KIRREL3: variants seen among roughly 807,000 people sequenced by gnomAD.
KIRREL3 encodes the protein kin of IRRE-like protein 3.
KIRREL3 carries 36 observed loss-of-function variants against 89.7 expected under a neutral mutation model. That is an observed-to-expected ratio of 0.40 (90% confidence interval 0.31 to 0.53). KIRREL3 has a LOEUF of 0.53. KIRREL3 is among the 20% of genes least tolerant of loss of function. KIRREL3 has a pLI of 0.49. For synonymous variants in KIRREL3, 445 were observed against 441.4 expected (o/e 1.01, Z -0.10); for missense variants, 864 against 1,056.6 (o/e 0.82, Z 2.53).
intron 1 of KIRREL3, among the ~76,000 whole-genome samples, chr11:126,613,164 A>G (rs1943202931): frequency 6.6e-6 from 1 of 152,230 alleles, no homozygotes; most frequent in Non-Finnish European, 1.5e-5. Context: ...CTTTAGAAAC[A>G]TATTAAAAAC....
chr11:126,625,423 A>C (rs1473266899), intron 1 of KIRREL3, among the ~76,000 whole-genome samples: 1 of 152,164 alleles, frequency 6.6e-6, no homozygotes, highest in South Asian at 2.1e-4. Flanking sequence ...ATTATTCCCA[A>C]ACAAATCTCA....
rs542455069 is a variant in KIRREL3 at position 126,892,799 on chromosome 11, C to T, written c.55+107656G>A. On this transcript the variant is annotated intron_variant, in intron 1 of 16. Coordinates refer to ENST00000525144, the MANE Select transcript of KIRREL3 (RefSeq NM_032531.4). This position sits in a 1 kb window ranked among gnomAD's most constrained non-coding sequence, Gnocchi z 5.4. ...GGGTCTGGCTTCATTGACATTTCCA[C>T]GGTAGTGCATACAGCCCTCGAGACC... Among the ~76,000 whole-genome samples, 73 of 152,240 alleles carry T rather than the reference C, an allele frequency of 4.8e-4. No homozygotes were observed. Among genetic ancestry groups the T allele is most frequent in the African/African-American group, 1.6e-3 (66 of 41,544 alleles).
At chr11:126,583,573 A>G (rs887554687) in intron 1 of KIRREL3, among the ~76,000 whole-genome samples, 1 of 152,222 alleles carries the variant, frequency 6.6e-6, no homozygotes, top group African/African-American at 2.4e-5. Context: ...GGAGTTAGAC[A>G]CACTTAGGTT....
In KIRREL3 at chr11:126,601,365, C is replaced by T. The variant is rs747627078; in HGVS notation, c.56-38453G>A. Among the ~76,000 whole-genome samples, 13 of 152,140 alleles carry T rather than the reference C, an allele frequency of 8.5e-5. No individual in the cohort carries two copies. Among genetic ancestry groups the T allele is most frequent in the African/African-American group, 1.4e-4 (6 of 41,416 alleles). On this transcript the variant is annotated intron_variant, in intron 1 of 16. Coordinates refer to ENST00000525144, the MANE Select transcript of KIRREL3 (RefSeq NM_032531.4). The surrounding 1 kb of genome is among the most constrained non-coding windows in gnomAD (Gnocchi z 5.8). ...CCCTGGGCCTGCTAATGCCCTGAGG[C>T]GATGGGAACACAGCTCTGGGAGCAC...
Position 126,677,969 on chromosome 11 carries a change from C to A in KIRREL3, c.56-115057G>T, listed in dbSNP as rs569427181. On this transcript the variant is annotated intron_variant, in intron 1 of 16. Coordinates refer to ENST00000525144, the MANE Select transcript of KIRREL3 (RefSeq NM_032531.4). This position sits in a 1 kb window ranked among gnomAD's most constrained non-coding sequence, Gnocchi z 5.1. ...CCTGGGACCCAGAGACACACCCCGT[C>A]CCCAGGCTCCAGCTTCATGGAGCTT... Among the ~76,000 whole-genome samples, 20 of 152,252 alleles carry A rather than the reference C, an allele frequency of 1.3e-4. No individual in the cohort carries two copies. The highest frequency in any genetic ancestry group is 3.3e-4 in the Admixed American group (5 of 15,296).
chr11:126,638,901 G>A (rs757153971), intron 1 of KIRREL3, among the ~76,000 whole-genome samples: 1 of 152,158 alleles, frequency 6.6e-6, no homozygotes, highest in Non-Finnish European at 1.5e-5. Flanking sequence ...TGGATATTGA[G>A]TAATTACCTA....
rs1951281512 is a variant in KIRREL3 at position 126,808,657 on chromosome 11, C to T, written c.55+191798G>A. ...CTTTTTCTGCGCTTTTTAACCATCT[C>T]AGATTAAATGCTGAATTGTATTTTG... On this transcript the variant is annotated intron_variant, in intron 1 of 16. Transcript: ENST00000525144. This position sits in a 1 kb window ranked among gnomAD's most constrained non-coding sequence, Gnocchi z 4.1. 6.6e-6 allele frequency among the ~76,000 whole-genome samples: 1 copy of T among 152,196 alleles called. No homozygotes were observed. The highest frequency in any genetic ancestry group is 1.5e-5 in the Non-Finnish European group (1 of 68,032).
Position 126,608,908 on chromosome 11 carries a change from C to T in KIRREL3, c.56-45996G>A, listed in dbSNP as rs1178292385. On this transcript the variant is annotated intron_variant, in intron 1 of 16. Coordinates refer to ENST00000525144, the MANE Select transcript of KIRREL3 (RefSeq NM_032531.4). The surrounding 1 kb of genome is among the most constrained non-coding windows in gnomAD (Gnocchi z 4.9). Reference sequence around the variant, plus strand: ...AGGGGATGGAGAAGCAGCTCTGGAGCCCAGCTTGCTGTTAGCCCTGAGAAA... The same window carrying T: ...AGGGGATGGAGAAGCAGCTCTGGAGTCCAGCTTGCTGTTAGCCCTGAGAAA... Among the ~76,000 whole-genome samples the T allele has an allele frequency of 6.6e-6, 1 of 152,184 alleles. No individual in the cohort carries two copies. The highest frequency in any genetic ancestry group is 1.5e-5 in the Non-Finnish European group (1 of 68,032).
chr11:126,753,316 C>T (rs1949395485), intron 1 of KIRREL3, among the ~76,000 whole-genome samples: 1 of 152,168 alleles, frequency 6.6e-6, no homozygotes, highest in Admixed American at 6.5e-5. Context: ...CAATCCACAG[C>T]CAGCCAGGCC....
At position 126,768,749 on chromosome 11, in the gene KIRREL3, G is replaced by A. The variant is rs1054925436; in HGVS notation, c.56-205837C>T. Among the ~76,000 whole-genome samples the A allele has an allele frequency of 7.2e-5, 11 of 152,106 alleles. No homozygotes were observed. The highest frequency in any genetic ancestry group is 2.7e-4 in the African/African-American group (11 of 41,410). On this transcript the variant is annotated intron_variant, in intron 1 of 16. Coordinates refer to ENST00000525144, the MANE Select transcript of KIRREL3 (RefSeq NM_032531.4). This position sits in a 1 kb window ranked among gnomAD's most constrained non-coding sequence, Gnocchi z 4.5. ...AGGTCCTAAGGTGAGAATGACCCAG[G>A]TGCCTTCAGGAATAGAAGGAAGGTC...
intron 1 of KIRREL3, among the ~76,000 whole-genome samples, chr11:126,815,615 G>A (rs1000342747): frequency 2.0e-5 from 3 of 152,064 alleles, no homozygotes; most frequent in Non-Finnish European, 4.4e-5. Context: ...CTCACTGCAA[G>A]CTCCGCCTCC....
In KIRREL3 at chr11:126,750,054, A is replaced by G. The variant is rs1213225765; in HGVS notation, c.56-187142T>C. ...TTCAGTTTAGTTTCCTCATCTGTAA[A>G]ATGCAGGCTGTGCTACTTAAATGGG... is the stretch of plus-strand genomic sequence containing the variant. On this transcript the variant is annotated intron_variant, in intron 1 of 16. Coordinates refer to ENST00000525144, the MANE Select transcript of KIRREL3 (RefSeq NM_032531.4). The surrounding 1 kb of genome is among the most constrained non-coding windows in gnomAD (Gnocchi z 4.2). Among the ~76,000 whole-genome samples the G allele has an allele frequency of 6.6e-6, 1 of 152,160 alleles. No individual in the cohort carries two copies. Among genetic ancestry groups the G allele is most frequent in the African/African-American group, 2.4e-5 (1 of 41,440 alleles).
intron 1 of KIRREL3, among the ~76,000 whole-genome samples, chr11:126,952,984 T>C (rs1487520410): frequency 6.6e-6 from 1 of 152,228 alleles, no homozygotes; most frequent in African/African-American, 2.4e-5. Flanking sequence ...CATTACTGGG[T>C]ATATACCCAA....
At chr11:126,714,148 C>T (rs961018291) in intron 1 of KIRREL3, among the ~76,000 whole-genome samples, 18 of 152,194 alleles carry the variant, frequency 1.2e-4, no homozygotes, top group African/African-American at 4.3e-4. Context: ...CCCGGACAGT[C>T]AGTGCCTCCC....
At position 126,707,368 on chromosome 11, in the gene KIRREL3, C is replaced by T. The variant is rs144837883; in HGVS notation, c.56-144456G>A. ...CATCTAGGCGGAATTTGTCTTGCTA[C>T]AAGGGGTGAGGAAGGGATCCTGTCT... is the stretch of plus-strand genomic sequence containing the variant. On this transcript the variant is annotated intron_variant, in intron 1 of 16. Coordinates refer to ENST00000525144, the MANE Select transcript of KIRREL3 (RefSeq NM_032531.4). 4.9e-4 allele frequency among the ~76,000 whole-genome samples: 74 copies of T among 150,994 alleles called. 1 individual carries two copies. The highest frequency in any genetic ancestry group is 1.7e-3 in the African/African-American group (71 of 41,108).
Position 127,000,611 on chromosome 11 carries a change from T to G in KIRREL3, c.-102A>C. 8.0e-7 allele frequency: 1 copy of G among 1,250,320 alleles called. No individual in the cohort carries two copies. The highest frequency in any genetic ancestry group is 1.1e-6 in the Non-Finnish European group (1 of 886,790). The allele number at this position is 1,250,320 out of a possible 1,614,324, so 77.5% of individuals were successfully genotyped here. A position where few individuals can be genotyped will look rare whatever the true frequency, so the allele number is the denominator to read the frequency against. Reference sequence around the variant, plus strand: ...TCAGCCTCCGCCGGTCCTCTCGGGTTCGCGCCTACCATCTGTCCGTCCGTG... The same window carrying G: ...TCAGCCTCCGCCGGTCCTCTCGGGTGCGCGCCTACCATCTGTCCGTCCGTG... On this transcript the variant is annotated 5_prime_UTR_variant, in exon 1 of 17. Transcript: ENST00000525144. The surrounding 1 kb of genome is among the most constrained non-coding windows in gnomAD (Gnocchi z 7.1).
At chr11:126,862,636 C>A (rs1011174906) in intron 1 of KIRREL3, among the ~76,000 whole-genome samples, 1 of 152,174 alleles carries the variant, frequency 6.6e-6, no homozygotes, top group Non-Finnish European at 1.5e-5. Flanking sequence ...GTCAACAGAG[C>A]GAGTGTTGCA....
At chr11:126,770,154 A>G (rs563309473) in intron 1 of KIRREL3, among the ~76,000 whole-genome samples, 6 of 151,948 alleles carry the variant, frequency 3.9e-5, no homozygotes, top group East Asian at 1.9e-4. Flanking sequence ...TTGGGGGGGA[A>G]TTTGGGGGAG....
rs144654494 is a variant in KIRREL3, at chr11:126,574,460, C to A, written c.56-11548G>T. On this transcript the variant is annotated intron_variant, in intron 1 of 16. Transcript: ENST00000525144. The surrounding 1 kb of genome is among the most constrained non-coding windows in gnomAD (Gnocchi z 5.3). ...TCAACCTCAAACAGGTCCAGGGGAG[C>A]GATTCTGAGCCACCAGCCATCACTC... Among the ~76,000 whole-genome samples the A allele has an allele frequency of 3.9e-4, 59 of 152,256 alleles. 1 individual carries two copies. Among genetic ancestry groups the A allele is most frequent in the African/African-American group, 1.3e-3 (55 of 41,538 alleles).
Sources: allele counts gnomAD v4.1 joint callset (sites outside exome capture counted in the v4.1 genomes callset), GRCh38; gene constraint gnomAD v4.1.1; non-coding constraint Gnocchi (gnomAD v3.1); transcripts MANE v1.5; gene names NCBI Gene and HGNC (gene_info 2026-07-23, HGNC 2026-07-21).